The following TRPM3 variants were observed in gnomAD, a reference collection of about 807,000 sequenced individuals.
TRPM3 encodes the protein long transient receptor potential channel 3.
A neutral mutation model predicts 181.2 loss-of-function variants in TRPM3; 77 were observed. The observed-to-expected ratio is 0.42, with a 90% CI of 0.35 to 0.51. TRPM3 has a LOEUF of 0.51. Among genes scored for constraint, TRPM3 ranks in the 20% least tolerant of loss-of-function variants. The probability of loss-of-function intolerance (pLI) is 0.01; values close to 1 mark genes in which losing one functional copy is unlikely to be tolerated. For synonymous variants in TRPM3, 745 were observed against 796.4 expected (o/e 0.94, Z 1.09); for missense variants, 1,759 against 2,196.7 (o/e 0.80, Z 3.98).
chr9:71,320,981 G>A (rs1381229232), intron 1 of TRPM3, among the ~76,000 whole-genome samples: 1 of 151,996 alleles, frequency 6.6e-6, no homozygotes, highest in Admixed American at 6.6e-5. Flanking sequence ...ATCATCACTT[G>A]TTGTTGTCTT....
At chr9:71,308,907 T>C (rs1484337396) in intron 1 of TRPM3, among the ~76,000 whole-genome samples, 1 of 152,168 alleles carries the variant, frequency 6.6e-6, no homozygotes, top group Non-Finnish European at 1.5e-5. Context: ...CCAAAGAATA[T>C]GTCATTCTGT....
At chr9:70,774,975 A>C (rs1302218150) in intron 7 of TRPM3, 3 of 152,208 alleles carry the variant, frequency 2.0e-5, no homozygotes, top group East Asian at 3.8e-4. Context: ...CTTTTATAGC[A>C]TGTGTTCACT....
chr9:70,840,351 T>C (rs549715279), intron 5 of TRPM3, among the ~76,000 whole-genome samples: 1 of 152,276 alleles, frequency 6.6e-6, no homozygotes, highest in Admixed American at 6.5e-5. Flanking sequence ...CTGTCTTTCC[T>C]GTGTTCTCTA....
chr9:70,824,966 T>G (rs1278731314), intron 6 of TRPM3: 1 of 152,220 alleles, frequency 6.6e-6, no homozygotes, highest in African/African-American at 2.4e-5. Context: ...AAGGTCCTGC[T>G]TTACCTACTT....
chr9:71,381,870 GAA>G (rs2092809207), intron 1 of TRPM3, among the ~76,000 whole-genome samples: 3 of 146,386 alleles, frequency 2.0e-5, no homozygotes, highest in African/African-American at 7.9e-5. Context: ...AGCACCTAAA[GAA>G]GGGCCTGGGT....
chr9:70,926,426 A>G (rs2096722075), intron 1 of TRPM3, among the ~76,000 whole-genome samples: 1 of 152,210 alleles, frequency 6.6e-6, no homozygotes, highest in Non-Finnish European at 1.5e-5. Flanking sequence ...AATCACAAGT[A>G]CATGTGATTT....
chr9:70,552,931 AGAT>A lies in TRPM3; in HGVS notation c.3484_3486del (p.Ile1162del). On this transcript the variant is annotated inframe_deletion, in exon 24 of 26. Transcript: ENST00000677713. Reference sequence around the variant, plus strand: ...TGGAATATCATGGTCATGTGGCTGAAGATGATCAGTGGTGGGGGCAGAACTGGC... The same window carrying A: ...TGGAATATCATGGTCATGTGGCTGAAGATCAGTGGTGGGGGCAGAACTGGC... 6.2e-7 allele frequency: 1 copy of A among 1,614,218 alleles called. No individual in the cohort carries two copies. The highest frequency in any genetic ancestry group is 8.5e-7 in the Non-Finnish European group (1 of 1,180,018).
intron 1 of TRPM3, among the ~76,000 whole-genome samples, chr9:70,887,104 C>T (rs191837337): frequency 6.6e-6 from 1 of 152,264 alleles, no homozygotes; most frequent in East Asian, 1.9e-4. Flanking sequence ...TATAAACAAC[C>T]TAACTCCTAC....
chr9:70,893,678 A>T (rs2096243702), intron 1 of TRPM3, among the ~76,000 whole-genome samples: 1 of 152,174 alleles, frequency 6.6e-6, no homozygotes, highest in Non-Finnish European at 1.5e-5. Flanking sequence ...GAACCACATT[A>T]CTGTGGAAGC....
intron 6 of TRPM3, among the ~76,000 whole-genome samples, chr9:70,804,753 T>G (rs1321684913): frequency 6.6e-6 from 1 of 152,146 alleles, no homozygotes; most frequent in African/African-American, 2.4e-5. Context: ...ATTTGAAATT[T>G]CGGCTCCTAC....
chr9:70,955,789 G>A (rs2097062041), intron 1 of TRPM3, among the ~76,000 whole-genome samples: 2 of 152,102 alleles, frequency 1.3e-5, no homozygotes, highest in Admixed American at 6.6e-5. Flanking sequence ...CTTTCCCTGT[G>A]GGATAGAATC....
At chr9:70,865,037 CA>C (rs1210997225) in intron 1 of TRPM3, among the ~76,000 whole-genome samples, 1 of 107,518 alleles carries the variant, frequency 9.3e-6, no homozygotes, top group African/African-American at 4.2e-5. Context: ...GTGCTAAGTA[CA>C]GGGGGGTTGG....
chr9:70,612,811 A>G (rs1248971017), intron 18 of TRPM3, among the ~76,000 whole-genome samples: 2 of 152,226 alleles, frequency 1.3e-5, no homozygotes, highest in African/African-American at 2.4e-5. Flanking sequence ...TTTATGTAAC[A>G]TAATTATCAT....
At chr9:71,247,486 TG>T (rs1356682960) in intron 1 of TRPM3, among the ~76,000 whole-genome samples, 1 of 151,632 alleles carries the variant, frequency 6.6e-6, no homozygotes, top group Non-Finnish European at 1.5e-5. Context: ...CTAGGTGACT[TG>T]GGAGAAGAAA....
chr9:70,892,867 G>T (rs554932424), intron 1 of TRPM3, among the ~76,000 whole-genome samples: 2 of 152,090 alleles, frequency 1.3e-5, no homozygotes, highest in South Asian at 4.1e-4. Context: ...TAATATTACA[G>T]GTTTCTTGTT....
intron 1 of TRPM3, among the ~76,000 whole-genome samples, chr9:71,221,471 T>C (rs537968017): frequency 1.3e-4 from 20 of 152,332 alleles, no homozygotes; most frequent in African/African-American, 4.8e-4. Context: ...AAGTTACTAT[T>C]GAGCAATTTT....
At chr9:70,637,797 G>T (rs1269042588) in intron 11 of TRPM3, among the ~76,000 whole-genome samples, 14 of 152,044 alleles carry the variant, frequency 9.2e-5, no homozygotes, top group Non-Finnish European at 1.3e-4. Flanking sequence ...ACAGAAGCTT[G>T]GGTTCGGTAC....
chr9:71,271,673 C>T (rs1286377330), intron 1 of TRPM3, among the ~76,000 whole-genome samples: 1 of 151,688 alleles, frequency 6.6e-6, no homozygotes, highest in Non-Finnish European at 1.5e-5. Flanking sequence ...ATTCGCTGGG[C>T]CTGGCTTAAT....
chr9:70,596,045 T>C (rs1326848755), intron 21 of TRPM3, among the ~76,000 whole-genome samples: 3 of 152,228 alleles, frequency 2.0e-5, no homozygotes, highest in South Asian at 2.1e-4. Context: ...CTTTCTTTCA[T>C]TGTATTTAAA....
Sources: gnomAD v4.1 joint callset for allele counts (sites outside exome capture counted in the v4.1 genomes callset) on GRCh38, gnomAD v4.1.1 for gene constraint, MANE v1.5 for transcripts, NCBI Gene and HGNC (gene_info 2026-07-23, HGNC 2026-07-21) for gene names.